The following NPC1L1 variants were observed in gnomAD, a reference collection of about 807,000 sequenced individuals.
The protein encoded by NPC1L1 is NPC1 like intracellular cholesterol transporter 1.
Under a neutral mutation model 117.0 loss-of-function variants are expected in NPC1L1, and 98 were observed. That is an observed-to-expected ratio of 0.84 (90% confidence interval 0.71 to 0.99). The LOEUF is 0.99. Ranked by LOEUF, NPC1L1 falls within the 50% of genes least tolerant of loss-of-function variation. The pLI is 0.00. For synonymous variants in NPC1L1, 729 were observed against 727.6 expected (o/e 1.00, Z -0.03); for missense variants, 1,540 against 1,710.0 (o/e 0.90, Z 1.75).
rs745977435 is a variant in NPC1L1, at chr7:44,538,981, G to A, written c.1416C>T (p.Tyr472=). 1.3e-5 allele frequency: 21 copies of A among 1,614,098 alleles called. No individual in the cohort carries two copies. Among genetic ancestry groups the A allele is most frequent in the Middle Eastern group, 1.6e-4 (1 of 6,084 alleles). Residue 472 remains tyrosine, a synonymous_variant, in exon 2 of 19, where the codon TAC becomes TAT. Transcript: ENST00000381160. This position sits in a 1 kb window ranked among gnomAD's most constrained non-coding sequence, Gnocchi z 5.9. ...TGGTATTGTCCGGATTGAGGGGGGCGTAGCAGATGTCCTGCAGGGAGATGT... is the reference window on the plus strand; with the variant it reads ...TGGTATTGTCCGGATTGAGGGGGGCATAGCAGATGTCCTGCAGGGAGATGT... ...QRNISLQDIC[Y]APLNPDNTSL...
Position 44,536,036 on chromosome 7 carries a change from T to C in NPC1L1, c.1855-68A>G. The C allele has an allele frequency of 6.2e-7, 1 of 1,610,398 alleles. No homozygotes were observed. The highest frequency in any genetic ancestry group is 2.2e-5 in the East Asian group (1 of 44,870). On this transcript the variant is annotated intron_variant, in intron 4 of 18. Coordinates refer to ENST00000381160, the MANE Select transcript of NPC1L1 (RefSeq NM_001101648.2). The surrounding 1 kb of genome is among the most constrained non-coding windows in gnomAD (Gnocchi z 4.7). ...TTCAGCCAGGCCAGCTCTCAATAGC[T>C]CGGTCACTGGGCACTAATTGTGTGT...
chr7:44,531,992 G>C (rs904476745), intron 9 of NPC1L1, 88 bp downstream of exon 9: 94 of 1,598,154 alleles, frequency 5.9e-5, no homozygotes, highest in Non-Finnish European at 7.3e-5. Flanking sequence ...TTTGGGCCTA[G>C]GCAACCTCCC....
At chr7:44,523,690 C>A (rs1801427703) in intron 10 of NPC1L1, among the ~76,000 whole-genome samples, 1 of 151,980 alleles carries the variant, frequency 6.6e-6, no homozygotes, top group Non-Finnish European at 1.5e-5. Flanking sequence ...ATAGCGACAC[C>A]CTGTCTCTAC....
rs766135486 is a variant in NPC1L1, at chr7:44,538,265, G to A, written c.1580+552C>T. ...GGCATCTTGTTGGCAGCACACCAGA[G>A]TGGACAGAACCAAAGACCGAACCCC... On this transcript the variant is annotated intron_variant, in intron 2 of 18. Transcript: ENST00000381160. This position sits in a 1 kb window ranked among gnomAD's most constrained non-coding sequence, Gnocchi z 5.9. 7.2e-5 allele frequency among the ~76,000 whole-genome samples: 11 copies of A among 152,352 alleles called. No homozygotes were observed. In the East Asian group the frequency reaches 2.1e-3, roughly 29 times the overall value.
Position 44,540,338 on chromosome 7 carries a change from T to C in NPC1L1, c.59A>G (p.Gln20Arg), listed in dbSNP as rs141236754. The stretch of plus-strand genomic sequence containing the variant: ...GTGGATGGTTGTGTAAGGCTCACTC[T>C]GGGCCTGCAGAGCACAGCAACATCA... ...LLWALLLRLA[Q>R]SEPYTTIHQP... The change falls in exon 2 of 19, where the codon CAG becomes CGG. Residue 20 changes from glutamine (Q) to arginine (R), a missense_variant. Coordinates refer to ENST00000381160, the MANE Select transcript of NPC1L1 (RefSeq NM_001101648.2). 1.2e-6 allele frequency: 2 copies of C among 1,612,044 alleles called. No individual in the cohort carries two copies. Among genetic ancestry groups the C allele is most frequent in the African/African-American group, 1.3e-5 (1 of 74,892 alleles).
chr7:44,521,061 G>C lies in NPC1L1; in HGVS notation c.3011C>G (p.Ser1004Trp). The stretch of plus-strand genomic sequence containing the variant: ...AAGATACTTATGGAACTGCTCCACC[G>C]AGGGCCTCACAGAGCCCATCGTGAT... ...MSITMGSVRP[S>W]VEQFHKYLPW... Residue 1004 changes from serine (S) to tryptophan (W), a missense_variant, in exon 13 of 19, where the codon TCG becomes TGG. Ser to Trp is a radical substitution (Grantham distance 177). Transcript: ENST00000381160. 1 of 1,614,190 alleles carries C rather than the reference G, an allele frequency of 6.2e-7. No homozygotes were observed. Among genetic ancestry groups the C allele is most frequent in the Non-Finnish European group, 8.5e-7 (1 of 1,180,038 alleles).
At chr7:44,535,992 C>T (rs1331402943) in intron 4 of NPC1L1, 24 bp from the exon 5 acceptor site, 1 of 1,612,484 alleles carries the variant, frequency 6.2e-7, no homozygotes, top group South Asian at 1.1e-5. Context: ...CCCGACCAGC[C>T]CCCACTGACC....
intron 14 of NPC1L1, among the ~76,000 whole-genome samples, chr7:44,517,924 T>C (rs1319097690): frequency 6.6e-6 from 1 of 151,962 alleles, no homozygotes; most frequent in Non-Finnish European, 1.5e-5. Context: ...AAGACCAGCC[T>C]GCCCAACATG....
rs377695153 is a variant in NPC1L1, at chr7:44,516,897, G to A, written c.3325C>T (p.Leu1109Phe). The change falls in exon 16 of 19, where the codon CTC becomes TTC. Residue 1109 changes from leucine to phenylalanine, a missense_variant. By Grantham distance (22) the Leu-to-Phe change is conservative. Coordinates refer to ENST00000381160, the MANE Select transcript of NPC1L1 (RefSeq NM_001101648.2). ...NVFYEQYLTI[L>F]PEGLFMLSLC... ...CTGAGCATGAAGAGCCCCTCAGGGA[G>A]GATGGTCAGGTACTGCTCATAAAAC... 3 of 1,614,038 alleles carry A rather than the reference G, an allele frequency of 1.9e-6. No homozygotes were observed. The highest frequency in any genetic ancestry group is 2.7e-5 in the African/African-American group (2 of 75,064).
chr7:44,521,151 C>T (rs1381104142), intron 12 of NPC1L1, 33 bp from the exon 13 acceptor site: 1 of 1,613,606 alleles, frequency 6.2e-7, no homozygotes, highest in Admixed American at 1.7e-5. Context: ...GGCAGTGACA[C>T]CCCAGGGCCA....
intron 1 of NPC1L1, 96 bp downstream of exon 1, chr7:44,541,110 T>C: frequency 7.3e-7 from 1 of 1,366,010 alleles, no homozygotes; most frequent in Non-Finnish European, 1.0e-6. Context: ...TGAGGCTCCC[T>C]TGCTGTCACC....
intron 10 of NPC1L1, 61 bp downstream of exon 10, chr7:44,531,693 TG>T: frequency 6.9e-7 from 1 of 1,440,562 alleles, no homozygotes; most frequent in Non-Finnish European, 9.5e-7. Context: ...CCATCCCTGC[TG>T]GTTGCTACTG....
intron 17 of NPC1L1, 42 bp downstream of exon 17, chr7:44,516,042 G>T (rs1471525259): frequency 6.2e-7 from 1 of 1,607,012 alleles, no homozygotes; most frequent in African/African-American, 1.3e-5. Flanking sequence ...AGGGCACAGG[G>T]TGTCGAGTGG....
intron 18 of NPC1L1, 118 bp from the exon 19 acceptor site, chr7:44,513,767 A>C: frequency 9.1e-7 from 1 of 1,098,798 alleles, no homozygotes; most frequent in Non-Finnish European, 1.3e-6. Flanking sequence ...GATCTGTGCC[A>C]TGTGCCTTCC....
At chr7:44,529,372 C>G (rs1801626207) in intron 10 of NPC1L1, among the ~76,000 whole-genome samples, 1 of 150,050 alleles carries the variant, frequency 6.7e-6, no homozygotes, top group Non-Finnish European at 1.5e-5. Context: ...TAAGATCAGA[C>G]AAAATATACT....
chr7:44,531,913 G>A, intron 9 of NPC1L1, 69 bp from the exon 10 acceptor site: 1 of 1,523,810 alleles, frequency 6.6e-7, no homozygotes, highest in South Asian at 1.2e-5. Context: ...ACAAATTTAA[G>A]TCAGTCAGGG....
chr7:44,537,156 C>G lies in NPC1L1; in HGVS notation c.1581-214G>C, dbSNP rs893489647. Among the ~76,000 whole-genome samples the G allele has an allele frequency of 2.0e-5, 3 of 152,198 alleles. No homozygotes were observed. In the East Asian group the frequency reaches 5.8e-4, roughly 29 times the overall value. On this transcript the variant is annotated intron_variant, in intron 2 of 18. Coordinates refer to ENST00000381160, the MANE Select transcript of NPC1L1 (RefSeq NM_001101648.2). Reference sequence around the variant, plus strand: ...TGGGTCCTAAATGGCTCCCATCCAGCAAGATCTCCTGCAGGCCCCCACCCA... The same window carrying G: ...TGGGTCCTAAATGGCTCCCATCCAGGAAGATCTCCTGCAGGCCCCCACCCA...
chr7:44,532,236 C>A lies in NPC1L1; in HGVS notation c.2410-19G>T, dbSNP rs201647637. On this transcript the variant is annotated intron_variant, in intron 8 of 18. Transcript: ENST00000381160. ...GGGAGGCCTGGAGTGGGAGGCACCC[C>A]CTCAAGGTAGTCCCAGAGCAGACAA... 50 of 1,612,874 alleles carry A rather than the reference C, an allele frequency of 3.1e-5. No individual in the cohort carries two copies. In the African/African-American group the frequency reaches 4.8e-4, roughly 15 times the overall value.
intron 7 of NPC1L1, 84 bp downstream of exon 7, chr7:44,533,655 A>G: frequency 6.2e-7 from 1 of 1,604,898 alleles, no homozygotes; most frequent in Non-Finnish European, 8.5e-7. Flanking sequence ...TCTGCACTAT[A>G]CCCACTGCCC....
Sources: gnomAD v4.1 joint callset for allele counts (sites outside exome capture counted in the v4.1 genomes callset) on GRCh38, gnomAD v4.1.1 for gene constraint, Gnocchi (gnomAD v3.1) non-coding constraint, MANE v1.5 for transcripts, NCBI Gene and HGNC (gene_info 2026-07-23, HGNC 2026-07-21) for gene names.